Variants in OPTN observed in about 807,000 individuals in gnomAD.
OPTN encodes the protein E3-14.7K-interacting protein.
OPTN carries 54 observed loss-of-function variants against 70.4 expected under a neutral mutation model. That is an observed-to-expected ratio of 0.77 (90% CI 0.62 to 0.96). OPTN has a LOEUF of 0.96. Ranked by LOEUF, OPTN falls within the 40% of genes least tolerant of loss-of-function variation. The pLI, the probability that OPTN is intolerant of heterozygous loss-of-function variation, is 0.00. For synonymous variants in OPTN, 256 were observed against 248.5 expected (o/e 1.03, Z -0.28); for missense variants, 624 against 673.2 (o/e 0.93, Z 0.81).
At chr10:13,133,226 T>C (rs1374306047) in intron 13 of OPTN, among the ~76,000 whole-genome samples, 7 of 152,240 alleles carry the variant, frequency 4.6e-5, no homozygotes. Context: ...TTATACTTCA[T>C]TGCTGTATTT....
At position 13,116,312 on chromosome 10, in the gene OPTN, G is replaced by A; in HGVS notation, c.598G>A (p.Gly200Arg). The change falls in exon 6 of 15, where the codon GGG becomes AGG. Residue 200 changes from glycine to arginine, a missense_variant. Coordinates refer to ENST00000378747, the MANE Select transcript of OPTN (RefSeq NM_001008212.2). ...GSVKEIKHSP[G>R]PTRTVSTGTA... Reference sequence around the variant, plus strand: ...AGTAAAAGAAATCAAGCATAGTCCTGGGCCCACGAGAACAGTCTCCACTGG... The same window carrying A: ...AGTAAAAGAAATCAAGCATAGTCCTAGGCCCACGAGAACAGTCTCCACTGG... 1.9e-6 allele frequency: 3 copies of A among 1,613,684 alleles called. No homozygotes were observed. The highest frequency in any genetic ancestry group is 2.5e-6 in the Non-Finnish European group (3 of 1,179,672).
At chr10:13,136,079 C>T (rs1833692468) in intron 14 of OPTN, among the ~76,000 whole-genome samples, 1 of 151,998 alleles carries the variant, frequency 6.6e-6, no homozygotes, top group Non-Finnish European at 1.5e-5. Flanking sequence ...CGCAGCTATT[C>T]AGGAGGCCGA....
rs776931295 is a variant in OPTN, at chr10:13,132,183, C to T, written c.1518C>T (p.Phe506=). 17 of 1,612,640 alleles carry T rather than the reference C, an allele frequency of 1.1e-5. No homozygotes were observed. The highest frequency in any genetic ancestry group is 2.2e-5 in the South Asian group (2 of 91,000). Residue 506 remains phenylalanine, a synonymous_variant, in exon 13 of 15, where the codon TTC becomes TTT. Coordinates refer to ENST00000378747, the MANE Select transcript of OPTN (RefSeq NM_001008212.2). ...TTCTGCTGAAAGAGAATGATGCTTTCGAAGACGGAGGCAGGTAAGGAAAAG... is the reference window on the plus strand; with the variant it reads ...TTCTGCTGAAAGAGAATGATGCTTTTGAAGACGGAGGCAGGTAAGGAAAAG... ...LAVLLKENDA[F]EDGGRQSLME...
Position 13,127,819 on chromosome 10 carries a change from C to T in OPTN, c.1317C>T (p.Ser439=), listed in dbSNP as rs1564366365. 1 of 1,613,990 alleles carries T rather than the reference C, an allele frequency of 6.2e-7. No individual in the cohort carries two copies. The change falls in exon 12 of 15, where the codon TCC becomes TCT. Residue 439 remains serine (S), a synonymous_variant. Transcript: ENST00000378747. ...KLELAEKALA[S]KQLQMDEMKQ... Reference sequence around the variant, plus strand: ...AACTGGCAGAGAAGGCTCTGGCTTCCAAACAGCTGCAAATGGATGAAATGA... The same window carrying T: ...AACTGGCAGAGAAGGCTCTGGCTTCTAAACAGCTGCAAATGGATGAAATGA...
chr10:13,125,574 A>C lies in OPTN; in HGVS notation c.1148+7A>C. On this transcript the variant is annotated splice_region_variant and intron_variant, in intron 10 of 14. Transcript: ENST00000378747. ...CTAAAACAGAGGATGAAAAGTGAGTATGTTGAGTCAGAAGGGCAGCGACGG... is the reference window on the plus strand; with the variant it reads ...CTAAAACAGAGGATGAAAAGTGAGTCTGTTGAGTCAGAAGGGCAGCGACGG... The C allele has an allele frequency of 6.2e-7, 1 of 1,614,176 alleles. No individual in the cohort carries two copies. The highest frequency in any genetic ancestry group is 8.5e-7 in the Non-Finnish European group (1 of 1,180,010).
intron 4 of OPTN, among the ~76,000 whole-genome samples, chr10:13,111,025 G>A (rs1832984047): frequency 6.6e-6 from 1 of 152,210 alleles, no homozygotes; most frequent in Non-Finnish European, 1.5e-5. Context: ...CTGGAAAAAT[G>A]TGCTCATACC....
intron 5 of OPTN, among the ~76,000 whole-genome samples, chr10:13,113,095 C>T (rs1406226121): frequency 6.6e-6 from 1 of 152,114 alleles, no homozygotes; most frequent in Non-Finnish European, 1.5e-5. Context: ...GATCTCGGCT[C>T]ACTGCACCCT....
intron 8 of OPTN, 45 bp from the exon 9 acceptor site, chr10:13,123,950 C>A: frequency 2.1e-6 from 3 of 1,401,448 alleles, no homozygotes; most frequent in South Asian, 2.3e-5. Flanking sequence ...TGTTTAATGT[C>A]AGATGATAAT....
chr10:13,128,117 G>A (rs1285498391), intron 12 of OPTN, among the ~76,000 whole-genome samples: 3 of 152,164 alleles, frequency 2.0e-5, no homozygotes, highest in Non-Finnish European at 4.4e-5. Flanking sequence ...TTTCCAGTTT[G>A]TGGCATTATG....
intron 14 of OPTN, among the ~76,000 whole-genome samples, 160 bp downstream of exon 14, chr10:13,133,741 A>G (rs1222533716): frequency 6.6e-6 from 1 of 152,124 alleles, no homozygotes; most frequent in African/African-American, 2.4e-5. Flanking sequence ...ATCTCCATCC[A>G]TTACCCACCG....
intron 14 of OPTN, among the ~76,000 whole-genome samples, chr10:13,133,975 AT>A (rs1833647037): frequency 6.6e-6 from 1 of 151,860 alleles, no homozygotes; most frequent in African/African-American, 2.4e-5. Context: ...CACCCAGCTA[AT>A]TTTTGTATTT....
chr10:13,116,539 C>T (rs1207094689), intron 6 of OPTN, 199 bp downstream of exon 6: 2 of 637,088 alleles, frequency 3.1e-6, no homozygotes, highest in African/African-American at 3.6e-5. Context: ...CTGTTTGGTT[C>T]CTGTTTGGCT....
chr10:13,107,072 G>A (rs1220230663), intron 1 of OPTN, among the ~76,000 whole-genome samples: 2 of 152,108 alleles, frequency 1.3e-5, no homozygotes, highest in East Asian at 1.9e-4. Context: ...TGGATAGATG[G>A]ATTTTAAATT....
chr10:13,110,504 GTTTT>G, intron 4 of OPTN, 28 bp downstream of exon 4: 1 of 1,300,282 alleles, frequency 7.7e-7, no homozygotes, highest in Non-Finnish European at 1.1e-6. Flanking sequence ...TTGTGATGTT[GTTTT>G]TTTTTTTTCC....
chr10:13,121,310 G>A (rs964143799), intron 7 of OPTN, among the ~76,000 whole-genome samples: 1 of 151,938 alleles, frequency 6.6e-6, no homozygotes, highest in African/African-American at 2.4e-5. Context: ...TTGCTGTTGC[G>A]TAAGAATTTT....
chr10:13,107,554 AT>A (rs980911343), intron 1 of OPTN, among the ~76,000 whole-genome samples: 19 of 150,106 alleles, frequency 1.3e-4, no homozygotes, highest in African/African-American at 2.0e-4. Context: ...AATTTTTTGT[AT>A]TTTTTTTATT....
At chr10:13,131,430 G>A (rs930417204) in intron 12 of OPTN, 3 of 153,490 alleles carry the variant, frequency 2.0e-5, no homozygotes, top group Admixed American at 1.3e-4. Flanking sequence ...ATGGGACATG[G>A]ATTGAATATG....
intron 14 of OPTN, among the ~76,000 whole-genome samples, chr10:13,136,513 A>AAAAAG: frequency 6.6e-6 from 1 of 150,954 alleles, no homozygotes; most frequent in African/African-American, 2.5e-5. Flanking sequence ...CTCAAAAAAA[A>AAAAAG]AAAAAAAAAA....
intron 13 of OPTN, 59 bp downstream of exon 13, chr10:13,132,256 C>A (rs1044976190): frequency 1.8e-5 from 28 of 1,594,530 alleles, no homozygotes; most frequent in Non-Finnish European, 2.4e-5. Flanking sequence ...AGAAGAGGTG[C>A]CTGTCCAAAG....
Sources: gnomAD v4.1 joint callset for allele counts (sites outside exome capture counted in the v4.1 genomes callset) on GRCh38, gnomAD v4.1.1 for gene constraint, MANE v1.5 for transcripts, NCBI Gene and HGNC (gene_info 2026-07-23, HGNC 2026-07-21) for gene names.